The following INKA1 variants were observed in gnomAD, a reference collection of about 807,000 sequenced individuals.
INKA1 encodes inka box actin regulator 1.
Under a neutral mutation model 21.3 loss-of-function variants are expected in INKA1, and 14 were observed. That is an observed-to-expected ratio of 0.66 (90% CI 0.43 to 1.03). The LOEUF (loss-of-function observed/expected upper bound fraction) is 1.03, where lower values mean the gene tolerates loss of function less well. Among genes scored for constraint, INKA1 ranks in the 50% least tolerant of loss-of-function variants. INKA1 has a pLI of 0.00. For synonymous variants in INKA1, 133 were observed against 143.3 expected, an observed-to-expected ratio of 0.93 and a Z score of 0.51; for missense variants, 353 against 379.0, an observed-to-expected ratio of 0.93 and a Z score of 0.57.
At position 49,804,636 on chromosome 3, in the gene INKA1, C is replaced by A; in HGVS notation, c.507C>A (p.Asp169Glu). The change falls in exon 2 of 2, where the codon GAC becomes GAA. Residue 169 changes from aspartate to glutamate, a missense_variant. Asp to Glu is a conservative substitution (Grantham distance 45). Coordinates refer to ENST00000333323, the MANE Select transcript of INKA1 (RefSeq NM_203370.2). The surrounding 1 kb of genome is among the most constrained non-coding windows in gnomAD (Gnocchi z 6.7). ...LEHWQGLEAE[D>E]WTAALLNRGR... ...ACTGGCAGGGACTGGAAGCAGAGGA[C>A]TGGACAGCAGCCCTACTGAACAGGG... The A allele has an allele frequency of 1.2e-6, 2 of 1,613,226 alleles. No homozygotes were observed. The highest frequency in any genetic ancestry group is 1.7e-6 in the Non-Finnish European group (2 of 1,180,032).
chr3:49,803,518 A>G lies in INKA1; in HGVS notation c.51+75A>G. The stretch of plus-strand genomic sequence containing the variant: ...GGCTGCCGCCCGGCCGGAACAACAG[A>G]CGGGTGCGGGGTGGCTCCAGCGTGC... On this transcript the variant is annotated intron_variant, in intron 1 of 1. Transcript: ENST00000333323. This position sits in a 1 kb window ranked among gnomAD's most constrained non-coding sequence, Gnocchi z 4.8. 1 of 1,449,258 alleles carries G rather than the reference A, an allele frequency of 6.9e-7. No individual in the cohort carries two copies. The highest frequency in any genetic ancestry group is 1.4e-5 in the African/African-American group (1 of 69,070). The allele number at this position is 1,449,258 out of a possible 1,614,324, so 89.8% of individuals were successfully genotyped here.
Position 49,804,943 on chromosome 3 carries a change from C to T in INKA1, c.814C>T (p.Arg272Cys), listed in dbSNP as rs768123817. The change falls in exon 2 of 2, where the codon CGT becomes TGT. Residue 272 changes from arginine to cysteine, a missense_variant. Physicochemically the swap from Arg to Cys is radical, Grantham distance 180. Coordinates refer to ENST00000333323, the MANE Select transcript of INKA1 (RefSeq NM_203370.2). The surrounding 1 kb of genome is among the most constrained non-coding windows in gnomAD (Gnocchi z 6.7). ...ACGCTTTGCAGCTCTCATGAGCTGT[C>T]GTAGCCGCCAGCCCATCATCTGCAA... ...VSRFAALMSC[R>C]SRQPIICNDV... is the part of the protein sequence containing the mutation. 37 of 1,612,354 alleles carry T rather than the reference C, an allele frequency of 2.3e-5. No individual in the cohort carries two copies. Among genetic ancestry groups the T allele is most frequent in the Non-Finnish European group, 2.7e-5 (32 of 1,179,510 alleles).
rs1410033794 is a variant in INKA1 at position 49,804,852 on chromosome 3, A to T, written c.723A>T (p.Thr241=). Residue 241 remains threonine (T), a synonymous_variant, in exon 2 of 2, where the codon ACA becomes ACT. Transcript: ENST00000333323. This position sits in a 1 kb window ranked among gnomAD's most constrained non-coding sequence, Gnocchi z 6.7. ...GCCGGCTGGCCAGGGCTCGGCGGACAGCTATGGCAGGAAAGCGGCTGTCAT... is the reference window on the plus strand; with the variant it reads ...GCCGGCTGGCCAGGGCTCGGCGGACTGCTATGGCAGGAAAGCGGCTGTCAT... The part of the protein sequence containing the change: ...LRRRLARARR[T]AMAGKRLSCP... The T allele has an allele frequency of 4.3e-6, 7 of 1,612,752 alleles. No individual in the cohort carries two copies. Among genetic ancestry groups the T allele is most frequent in the Non-Finnish European group, 5.9e-6 (7 of 1,179,964 alleles).
In INKA1 at chr3:49,803,900, T is replaced by C. The variant is rs909031222; in HGVS notation, c.52-281T>C. Among the ~76,000 whole-genome samples, 1 of 152,174 alleles carries C rather than the reference T, an allele frequency of 6.6e-6. No homozygotes were observed. The highest frequency in any genetic ancestry group is 1.5e-5 in the Non-Finnish European group (1 of 68,012). On this transcript the variant is annotated intron_variant, in intron 1 of 1. Coordinates refer to ENST00000333323, the MANE Select transcript of INKA1 (RefSeq NM_203370.2). The surrounding 1 kb of genome is among the most constrained non-coding windows in gnomAD (Gnocchi z 4.8). The stretch of plus-strand genomic sequence containing the variant: ...CCCTCCAGTCCTGGGCAGGACCTAC[T>C]TCCCCGTTCAGGCCCGCAACCCTGC...
chr3:49,804,690 G>A lies in INKA1; in HGVS notation c.561G>A (p.Gly187=). Residue 187 remains glycine (G), a synonymous_variant, in exon 2 of 2, where the codon GGG becomes GGA. Coordinates refer to ENST00000333323, the MANE Select transcript of INKA1 (RefSeq NM_203370.2). This position sits in a 1 kb window ranked among gnomAD's most constrained non-coding sequence, Gnocchi z 6.7. ...GCAGTCGCCAGCCCCTGGTACTAGG[G>A]GACAATTGCTTTGCTGACTTGGTGC... ...RGRSRQPLVL[G]DNCFADLVHN... The A allele has an allele frequency of 6.2e-7, 1 of 1,613,216 alleles. No individual in the cohort carries two copies. Among genetic ancestry groups the A allele is most frequent in the Admixed American group, 1.7e-5 (1 of 60,026 alleles).
Position 49,804,627 on chromosome 3 carries a change from A to G in INKA1, c.498A>G (p.Glu166=). The change falls in exon 2 of 2, where the codon GAA becomes GAG. Residue 166 remains glutamate, a synonymous_variant. Coordinates refer to ENST00000333323, the MANE Select transcript of INKA1 (RefSeq NM_203370.2). The surrounding 1 kb of genome is among the most constrained non-coding windows in gnomAD (Gnocchi z 6.7). ...GCCTGGAGCACTGGCAGGGACTGGA[A>G]GCAGAGGACTGGACAGCAGCCCTAC... is the stretch of plus-strand genomic sequence containing the variant. ...DACLEHWQGL[E]AEDWTAALLN... is the part of the protein sequence containing the mutation. 6.2e-7 allele frequency: 1 copy of G among 1,613,208 alleles called. No homozygotes were observed.
In INKA1 at chr3:49,803,325, C is replaced by T. The variant is rs895878751; in HGVS notation, c.-68C>T. 9 of 1,445,340 alleles carry T rather than the reference C, an allele frequency of 6.2e-6. No homozygotes were observed. Among genetic ancestry groups the T allele is most frequent in the South Asian group, 1.4e-5 (1 of 72,086 alleles). 89.5% of individuals were successfully genotyped at this position (1,445,340 alleles called of 1,614,324 possible). A position where few individuals can be genotyped will look rare whatever the true frequency, so the allele number is the denominator to read the frequency against. Reference sequence around the variant, plus strand: ...GGCGCCGCTGGCCGGCCCTCCCAGCCCTCTCCGCGCGGCTCCGCCGGGGTT... The same window carrying T: ...GGCGCCGCTGGCCGGCCCTCCCAGCTCTCTCCGCGCGGCTCCGCCGGGGTT... On this transcript the variant is annotated 5_prime_UTR_variant, in exon 1 of 2. Transcript: ENST00000333323. This position sits in a 1 kb window ranked among gnomAD's most constrained non-coding sequence, Gnocchi z 4.8.
rs2081421106 is a variant in INKA1, at chr3:49,804,931, C to G, written c.802C>G (p.Leu268Val). 1 of 1,612,810 alleles carries G rather than the reference C, an allele frequency of 6.2e-7. No individual in the cohort carries two copies. Among genetic ancestry groups the G allele is most frequent in the African/African-American group, 1.3e-5 (1 of 75,046 alleles). Residue 268 changes from leucine to valine, a missense_variant, in exon 2 of 2, where the codon CTC becomes GTC. Coordinates refer to ENST00000333323, the MANE Select transcript of INKA1 (RefSeq NM_203370.2). This position sits in a 1 kb window ranked among gnomAD's most constrained non-coding sequence, Gnocchi z 6.7. ...LPADVSRFAA[L>V]MSCRSRQPII... ...TGCGGATGTCTCACGCTTTGCAGCT[C>G]TCATGAGCTGTCGTAGCCGCCAGCC... is the stretch of plus-strand genomic sequence containing the variant.
chr3:49,803,525 C>T lies in INKA1; in HGVS notation c.51+82C>T, dbSNP rs1420752826. 4 of 1,395,152 alleles carry T rather than the reference C, an allele frequency of 2.9e-6. No individual in the cohort carries two copies. In the Admixed American group the frequency reaches 6.9e-5, roughly 24 times the overall value. The allele number at this position is 1,395,152 out of a possible 1,614,324, so 86.4% of individuals were successfully genotyped here. A position where few individuals can be genotyped will look rare whatever the true frequency, so the allele number is the denominator to read the frequency against. The stretch of plus-strand genomic sequence containing the variant: ...GCCCGGCCGGAACAACAGACGGGTG[C>T]GGGGTGGCTCCAGCGTGCCGGTCCG... On this transcript the variant is annotated intron_variant, in intron 1 of 1. Coordinates refer to ENST00000333323, the MANE Select transcript of INKA1 (RefSeq NM_203370.2). The surrounding 1 kb of genome is among the most constrained non-coding windows in gnomAD (Gnocchi z 4.8).
rs765196576 is a variant in INKA1 at position 49,804,598 on chromosome 3, G to A, written c.469G>A (p.Ala157Thr). 4.3e-6 allele frequency: 7 copies of A among 1,613,358 alleles called. No individual in the cohort carries two copies. The highest frequency in any genetic ancestry group is 1.3e-5 in the African/African-American group (1 of 75,050). ...HHPRPKSTPD[A>T]CLEHWQGLEA... The stretch of plus-strand genomic sequence containing the variant: ...TCCACGGCCCAAGTCCACCCCAGAC[G>A]CCTGCCTGGAGCACTGGCAGGGACT... Residue 157 changes from alanine to threonine, a missense_variant, in exon 2 of 2, where the codon GCC becomes ACC. Ala to Thr is a moderately conservative substitution (Grantham distance 58, BLOSUM62 0). Transcript: ENST00000333323. This position sits in a 1 kb window ranked among gnomAD's most constrained non-coding sequence, Gnocchi z 6.7.
chr3:49,803,782 G>A lies in INKA1; in HGVS notation c.51+339G>A, dbSNP rs2081401904. Among the ~76,000 whole-genome samples the A allele has an allele frequency of 6.6e-6, 1 of 152,178 alleles. No homozygotes were observed. The highest frequency in any genetic ancestry group is 2.4e-5 in the African/African-American group (1 of 41,454). On this transcript the variant is annotated intron_variant, in intron 1 of 1. Coordinates refer to ENST00000333323, the MANE Select transcript of INKA1 (RefSeq NM_203370.2). The surrounding 1 kb of genome is among the most constrained non-coding windows in gnomAD (Gnocchi z 4.8). ...CGCCCCCTACTTCAGGCTGGCCTAT[G>A]CCTCCCTTCTCTACCCCTCACCTAG...
Position 49,804,972 on chromosome 3 carries a change from T to C in INKA1, c.843T>C (p.Asp281=). The C allele has an allele frequency of 6.2e-7, 1 of 1,609,124 alleles. No homozygotes were observed. The highest frequency in any genetic ancestry group is 8.5e-7 in the Non-Finnish European group (1 of 1,176,808). Residue 281 remains aspartate (D), a synonymous_variant, in exon 2 of 2, where the codon GAT becomes GAC. Transcript: ENST00000333323. The surrounding 1 kb of genome is among the most constrained non-coding windows in gnomAD (Gnocchi z 6.7). ...CRSRQPIICN[D]VSYL is the part of the protein sequence containing the mutation. ...GCCGCCAGCCCATCATCTGCAATGA[T>C]GTCAGCTACCTCTGACCCTGCCCTC... is the stretch of plus-strand genomic sequence containing the variant.
Position 49,804,816 on chromosome 3 carries a change from G to A in INKA1, c.687G>A (p.Glu229=), listed in dbSNP as rs758883218. 6 of 1,613,332 alleles carry A rather than the reference G, an allele frequency of 3.7e-6. No individual in the cohort carries two copies. The highest frequency in any genetic ancestry group is 5.1e-6 in the Non-Finnish European group (6 of 1,180,012). ...CTCAGTTCCTGCTTGGCCTCTCTGA[G>A]CAGCTTCGGCGCCGGCTGGCCAGGG... ...RPPQFLLGLS[E]QLRRRLARAR... The change falls in exon 2 of 2, where the codon GAG becomes GAA. Residue 229 remains glutamate, a synonymous_variant. Coordinates refer to ENST00000333323, the MANE Select transcript of INKA1 (RefSeq NM_203370.2). This position sits in a 1 kb window ranked among gnomAD's most constrained non-coding sequence, Gnocchi z 6.7.
chr3:49,804,762 A>C lies in INKA1; in HGVS notation c.633A>C (p.Gly211=), dbSNP rs1559429268. The part of the protein sequence containing the change: ...LPETGSEGGD[G]GGHRARARPP... ...AGACAGGGAGTGAAGGGGGTGACGG[A>C]GGTGGGCACCGTGCCCGTGCTCGGC... Residue 211 remains glycine, a synonymous_variant, in exon 2 of 2, where the codon GGA becomes GGC. Transcript: ENST00000333323. The surrounding 1 kb of genome is among the most constrained non-coding windows in gnomAD (Gnocchi z 6.7). 1.9e-6 allele frequency: 3 copies of C among 1,613,168 alleles called. No homozygotes were observed. The highest frequency in any genetic ancestry group is 2.5e-6 in the Non-Finnish European group (3 of 1,180,032).
In INKA1 at chr3:49,804,748, G is replaced by A; in HGVS notation, c.619G>A (p.Glu207Lys). The part of the protein sequence containing the change: ...NWMELPETGS[E>K]GGDGGGHRAR... ...GATGGAGCTGCCTGAGACAGGGAGT[G>A]AAGGGGGTGACGGAGGTGGGCACCG... The change falls in exon 2 of 2, where the codon GAA becomes AAA. Residue 207 changes from glutamate to lysine, a missense_variant. Physicochemically the swap from Glu to Lys is moderately conservative, Grantham distance 56. Transcript: ENST00000333323. This position sits in a 1 kb window ranked among gnomAD's most constrained non-coding sequence, Gnocchi z 6.7. 1 of 1,613,320 alleles carries A rather than the reference G, an allele frequency of 6.2e-7. No homozygotes were observed. Among genetic ancestry groups the A allele is most frequent in the Non-Finnish European group, 8.5e-7 (1 of 1,180,028 alleles).
At position 49,804,960 on chromosome 3, in the gene INKA1, C is replaced by T. The variant is rs929710379; in HGVS notation, c.831C>T (p.Ile277=). The change falls in exon 2 of 2, where the codon ATC becomes ATT. Residue 277 remains isoleucine, a synonymous_variant. Coordinates refer to ENST00000333323, the MANE Select transcript of INKA1 (RefSeq NM_203370.2). The surrounding 1 kb of genome is among the most constrained non-coding windows in gnomAD (Gnocchi z 6.7). ...ALMSCRSRQP[I]ICNDVSYL is the part of the protein sequence containing the mutation. ...TGAGCTGTCGTAGCCGCCAGCCCAT[C>T]ATCTGCAATGATGTCAGCTACCTCT... is the stretch of plus-strand genomic sequence containing the variant. 2.5e-5 allele frequency: 41 copies of T among 1,611,126 alleles called. No homozygotes were observed. The highest frequency in any genetic ancestry group is 3.1e-5 in the Non-Finnish European group (37 of 1,178,396).
At position 49,803,593 on chromosome 3, in the gene INKA1, C is replaced by A; in HGVS notation, c.51+150C>A. 1 of 754,402 alleles carries A rather than the reference C, an allele frequency of 1.3e-6. No homozygotes were observed. 46.7% of individuals were successfully genotyped at this position (754,402 alleles called of 1,614,324 possible). A position where few individuals can be genotyped will look rare whatever the true frequency, so the allele number is the denominator to read the frequency against. ...CGTGGCGCATATGGCTCAGATGGCCCGCGTCGGGTTTCGGACGGTTGGGAA... is the reference window on the plus strand; with the variant it reads ...CGTGGCGCATATGGCTCAGATGGCCAGCGTCGGGTTTCGGACGGTTGGGAA... On this transcript the variant is annotated intron_variant, in intron 1 of 1. Coordinates refer to ENST00000333323, the MANE Select transcript of INKA1 (RefSeq NM_203370.2). This position sits in a 1 kb window ranked among gnomAD's most constrained non-coding sequence, Gnocchi z 4.8.
At position 49,803,428 on chromosome 3, in the gene INKA1, G is replaced by T. The variant is rs965088127; in HGVS notation, c.36G>T (p.Gln12His). 1.3e-6 allele frequency: 2 copies of T among 1,557,298 alleles called. No homozygotes were observed. The highest frequency in any genetic ancestry group is 2.8e-5 in the African/African-American group (2 of 72,162). ...HSARLDSFLS[Q>H]LRWELLCGRD... ...CTCGGCTTGACAGCTTCCTTAGCCAGCTCCGCTGGGAACTGGTGAGGCTCG... is the reference window on the plus strand; with the variant it reads ...CTCGGCTTGACAGCTTCCTTAGCCATCTCCGCTGGGAACTGGTGAGGCTCG... Residue 12 changes from glutamine (Q) to histidine (H), a missense_variant, in exon 1 of 2, where the codon CAG becomes CAT. Coordinates refer to ENST00000333323, the MANE Select transcript of INKA1 (RefSeq NM_203370.2). The surrounding 1 kb of genome is among the most constrained non-coding windows in gnomAD (Gnocchi z 4.8).
chr3:49,804,414 C>A lies in INKA1; in HGVS notation c.285C>A (p.Gly95=). 1.2e-6 allele frequency: 2 copies of A among 1,613,598 alleles called. No homozygotes were observed. Among genetic ancestry groups the A allele is most frequent in the Non-Finnish European group, 1.7e-6 (2 of 1,179,990 alleles). ...PREHALDWDS[G]FSEVSGSTWR... is the part of the protein sequence containing the mutation. ...AGCATGCCCTGGACTGGGACTCTGG[C>A]TTCTCGGAGGTGTCAGGCAGCACAT... Residue 95 remains glycine (G), a synonymous_variant, in exon 2 of 2, where the codon GGC becomes GGA. Coordinates refer to ENST00000333323, the MANE Select transcript of INKA1 (RefSeq NM_203370.2). The surrounding 1 kb of genome is among the most constrained non-coding windows in gnomAD (Gnocchi z 6.7).
Sources: gnomAD v4.1 joint callset for allele counts (sites outside exome capture counted in the v4.1 genomes callset) on GRCh38, gnomAD v4.1.1 for gene constraint, Gnocchi (gnomAD v3.1) non-coding constraint, MANE v1.5 for transcripts, NCBI Gene and HGNC (gene_info 2026-07-23, HGNC 2026-07-21) for gene names.